RPS6KB1: variants seen among roughly 807,000 people sequenced by gnomAD.
RPS6KB1 encodes ribosomal protein S6 kinase B1.
Under a neutral mutation model 70.2 loss-of-function variants are expected in RPS6KB1, and 12 were observed. The observed-to-expected ratio is 0.17, with a 90% CI of 0.11 to 0.28. RPS6KB1 has a LOEUF of 0.28. RPS6KB1 is among the 10% of genes least tolerant of loss of function. RPS6KB1 has a pLI of 1.00. For synonymous variants in RPS6KB1, 175 were observed against 211.2 expected, an observed-to-expected ratio of 0.83 and a Z score of 1.49; for missense variants, 270 against 646.6, an observed-to-expected ratio of 0.42 and a Z score of 6.32.
chr17:59,910,581 TG>T lies in RPS6KB1; in HGVS notation c.163del (p.Asp55ThrfsTer25). ...LEEGGQLNES[M>X]DHGGVGPYEL... ...TTTCAGGGTCAGTTAAATGAAAGCA[TG>T]GACCATGGGGGAGTTGGACCATATG... On this transcript the variant is annotated frameshift_variant, in exon 2 of 15. Transcript: ENST00000225577. LOFTEE classifies it high-confidence loss of function. 1 of 1,592,776 alleles carries T rather than the reference TG, an allele frequency of 6.3e-7. No homozygotes were observed. Among genetic ancestry groups the T allele is most frequent in the Non-Finnish European group, 8.6e-7 (1 of 1,166,782 alleles).
Position 59,934,560 on chromosome 17 carries a change from T to C in RPS6KB1, c.870+36T>C. 6.6e-7 allele frequency: 1 copy of C among 1,507,294 alleles called. No homozygotes were observed. Among genetic ancestry groups the C allele is most frequent in the Non-Finnish European group, 9.2e-7 (1 of 1,083,186 alleles). The allele number at this position is 1,507,294 out of a possible 1,614,324, so 93.4% of individuals were successfully genotyped here. On this transcript the variant is annotated intron_variant, in intron 9 of 14. Coordinates refer to ENST00000225577, the MANE Select transcript of RPS6KB1 (RefSeq NM_003161.4). This position sits in a 1 kb window ranked among gnomAD's most constrained non-coding sequence, Gnocchi z 4.8. ...AGTTAAAAGCTGCATGTATTATTGG[T>C]CTGTGCTGAGTCACTATAGCAAGAG...
chr17:59,943,585 T>TA (rs138428396), intron 13 of RPS6KB1, among the ~76,000 whole-genome samples: 32 of 150,836 alleles, frequency 2.1e-4, no homozygotes, highest in South Asian at 4.2e-4. Context: ...TAAACATTAA[T>TA]AAAAAAAAAT....
chr17:59,929,747 G>T (rs549481505), intron 5 of RPS6KB1, among the ~76,000 whole-genome samples: 2 of 152,302 alleles, frequency 1.3e-5, no homozygotes, highest in South Asian at 4.1e-4. Context: ...ATTAGTGAGG[G>T]TGATTTAATT....
intron 1 of RPS6KB1, among the ~76,000 whole-genome samples, chr17:59,900,469 G>A: frequency 6.6e-6 from 1 of 151,912 alleles, no homozygotes; most frequent in Non-Finnish European, 1.5e-5. Flanking sequence ...GGGTTCAAGC[G>A]ATTCTCTTTC....
chr17:59,917,883 A>G (rs2043048441), intron 4 of RPS6KB1, among the ~76,000 whole-genome samples: 1 of 151,822 alleles, frequency 6.6e-6, no homozygotes, highest in Non-Finnish European at 1.5e-5. Context: ...CGATCATCTA[A>G]TTTTTCTTAT....
chr17:59,902,499 T>A (rs2144702231), intron 1 of RPS6KB1, among the ~76,000 whole-genome samples: 1 of 152,294 alleles, frequency 6.6e-6, no homozygotes, highest in African/African-American at 2.4e-5. Context: ...GCATTTTGTT[T>A]ATCCATTTAC....
intron 1 of RPS6KB1, among the ~76,000 whole-genome samples, chr17:59,901,152 C>T (rs564932262): frequency 3.3e-5 from 5 of 150,884 alleles, no homozygotes; most frequent in Non-Finnish European, 5.9e-5. Flanking sequence ...CAGAGTGAGA[C>T]CTTGCATTTT....
intron 1 of RPS6KB1, among the ~76,000 whole-genome samples, chr17:59,900,900 G>A (rs939626039): frequency 6.6e-6 from 1 of 151,536 alleles, no homozygotes; most frequent in Non-Finnish European, 1.5e-5. Context: ...AGTGGCTCAG[G>A]CCTGTAATCT....
intron 4 of RPS6KB1, 81 bp downstream of exon 4, chr17:59,914,784 TATC>T (rs3066247): frequency 0.2 from 213,780 of 1,063,670 alleles, 23,827 homozygotes; most frequent in East Asian, 0.42. Context: ...GAAGCAATCA[TATC>T]ATATTTTTAA....
intron 13 of RPS6KB1, 86 bp from the exon 14 acceptor site, chr17:59,945,320 G>A (rs1197979982): frequency 1.4e-6 from 1 of 694,958 alleles, no homozygotes; most frequent in Non-Finnish European, 2.6e-6. Flanking sequence ...GTGCATCATT[G>A]TGTAGGTATG....
At chr17:59,924,982 C>T (rs2043518272) in intron 4 of RPS6KB1, among the ~76,000 whole-genome samples, 1 of 152,020 alleles carries the variant, frequency 6.6e-6, no homozygotes, top group South Asian at 2.1e-4. Context: ...GCACCTGCCA[C>T]CATGCCCGAC....
intron 4 of RPS6KB1, among the ~76,000 whole-genome samples, chr17:59,916,798 GAC>G (rs2042987283): frequency 6.6e-6 from 1 of 151,958 alleles, no homozygotes; most frequent in South Asian, 2.1e-4. Flanking sequence ...TTGTTTTGGT[GAC>G]ACTATACTAG....
At chr17:59,900,169 TAAACAC>T (rs1208777943) in intron 1 of RPS6KB1, among the ~76,000 whole-genome samples, 18 of 57,494 alleles carry the variant, frequency 3.1e-4, no homozygotes, top group African/African-American at 8.8e-4. Flanking sequence ...ACCTAATTGC[TAAACAC>T]ACACACACAC....
intron 1 of RPS6KB1, among the ~76,000 whole-genome samples, chr17:59,896,250 A>G (rs577763504): frequency 1.1e-4 from 17 of 151,244 alleles, no homozygotes; most frequent in East Asian, 3.9e-4. Flanking sequence ...CTGGAGTGCA[A>G]TGGCGCTATC....
intron 4 of RPS6KB1, among the ~76,000 whole-genome samples, chr17:59,915,775 C>G (rs1213037332): frequency 6.9e-4 from 54 of 77,908 alleles, no homozygotes; most frequent in African/African-American, 3.3e-3. Flanking sequence ...CTACTGCTAT[C>G]TTTTTTTTTT....
intron 13 of RPS6KB1, among the ~76,000 whole-genome samples, chr17:59,943,888 AAT>A (rs2044760479): frequency 2.4e-5 from 3 of 125,216 alleles, no homozygotes; most frequent in African/African-American, 9.2e-5. Flanking sequence ...AAAAAAAAAA[AAT>A]TATATATATA....
Position 59,934,505 on chromosome 17 carries a change from A to C in RPS6KB1, c.851A>C (p.Tyr284Ser), listed in dbSNP as rs756594255. 2 of 1,613,326 alleles carry C rather than the reference A, an allele frequency of 1.2e-6. No individual in the cohort carries two copies. The highest frequency in any genetic ancestry group is 1.7e-6 in the Non-Finnish European group (2 of 1,179,316). ...VDWWSLGALM[Y>S]DMLTGAPPFT... is the part of the protein sequence containing the mutation. ...TGGTGGAGTTTGGGAGCATTAATGTATGACATGCTGACTGGAGCAGTAGGT... is the reference window on the plus strand; with the variant it reads ...TGGTGGAGTTTGGGAGCATTAATGTCTGACATGCTGACTGGAGCAGTAGGT... The change falls in exon 9 of 15, where the codon TAT (tyrosine) becomes TCT (serine). Residue 284 changes from tyrosine (Y) to serine (S), a missense_variant. Tyr to Ser is a moderately radical substitution (Grantham distance 144). Around this residue, in one of 4 missense-constraint regions of RPS6KB1, gnomAD observed 133 missense variants for 314.7 expected, o/e 0.42. Coordinates refer to ENST00000225577, the MANE Select transcript of RPS6KB1 (RefSeq NM_003161.4). The surrounding 1 kb of genome is among the most constrained non-coding windows in gnomAD (Gnocchi z 4.8).
rs535142141 is a variant in RPS6KB1, at chr17:59,947,303, T to A, written c.*515T>A. The A allele has an allele frequency of 2.0e-6, 2 of 977,876 alleles. No individual in the cohort carries two copies. The highest frequency in any genetic ancestry group is 3.4e-5 in the African/African-American group (2 of 58,370). The allele number at this position is 977,876 out of a possible 1,614,324, so 60.6% of individuals were successfully genotyped here. ...GTGCAAACAACCTGAATCTTTTTTT[T>A]ATATAAATATATATTTTTCAAATAG... On this transcript the variant is annotated 3_prime_UTR_variant, in exon 15 of 15. Coordinates refer to ENST00000225577, the MANE Select transcript of RPS6KB1 (RefSeq NM_003161.4).
intron 4 of RPS6KB1, among the ~76,000 whole-genome samples, chr17:59,923,431 G>A (rs1285186321): frequency 2.6e-5 from 4 of 152,098 alleles, no homozygotes; most frequent in African/African-American, 9.7e-5. Flanking sequence ...CCAACATGGT[G>A]ATCCGCCTGC....
Sources: gnomAD v4.1 joint callset for allele counts (sites outside exome capture counted in the v4.1 genomes callset) on GRCh38, gnomAD v4.1.1 for gene constraint, gnomAD v4.1.1 regional missense constraint, Gnocchi (gnomAD v3.1) non-coding constraint, MANE v1.5 for transcripts, NCBI Gene and HGNC (gene_info 2026-07-23, HGNC 2026-07-21) for gene names.